PECAM1: variants seen among roughly 807,000 people sequenced by gnomAD.
PECAM1 encodes the protein platelet endothelial cell adhesion molecule.
Under a neutral mutation model 13.8 loss-of-function variants are expected in PECAM1, and 8 were observed. The observed-to-expected ratio is 0.58, with a 90% CI of 0.34 to 1.05. The LOEUF is 1.05. Ranked by LOEUF, PECAM1 falls within the 50% of genes least tolerant of loss-of-function variation. The pLI is 0.03. For missense variants in PECAM1, 304 were observed against 141.2 expected (o/e 2.15, Z -5.84); for synonymous variants, 136 against 52.6 (o/e 2.58, Z -6.86).
chr17:64,333,840 G>A (rs1419574577), intron 14 of PECAM1, among the ~76,000 whole-genome samples: 4 of 147,138 alleles, frequency 2.7e-5, no homozygotes, highest in African/African-American at 1.0e-4. Context: ...CATGCCTGTA[G>A]TCCCAGCTGA....
At chr17:64,331,606 G>A (rs370673512) in intron 14 of PECAM1, among the ~76,000 whole-genome samples, 5 of 152,234 alleles carry the variant, frequency 3.3e-5, no homozygotes, top group South Asian at 2.1e-4. Flanking sequence ...AAGCCAATGA[G>A]AGCAGGAAGC....
At chr17:64,342,408 T>C (rs1385595926) in intron 13 of PECAM1, among the ~76,000 whole-genome samples, 2 of 152,088 alleles carry the variant, frequency 1.3e-5, no homozygotes, top group Non-Finnish European at 2.9e-5. Flanking sequence ...GGCTATGGCC[T>C]CCCAATCACC....
Position 64,321,616 on chromosome 17 carries a change from C to T in PECAM1, c.*2200G>A. On this transcript the variant is annotated 3_prime_UTR_variant, in exon 16 of 16. Coordinates refer to ENST00000563924, the MANE Select transcript of PECAM1 (RefSeq NM_000442.5). ...CTGCAAAAAAAAAATTAAAAATTAGCCAGCTATGGCGGCTCACGCCTCTGG... is the reference window on the plus strand; with the variant it reads ...CTGCAAAAAAAAAATTAAAAATTAGTCAGCTATGGCGGCTCACGCCTCTGG... 2.1e-6 allele frequency: 1 copy of T among 471,306 alleles called. No homozygotes were observed. Among genetic ancestry groups the T allele is most frequent in the Non-Finnish European group, 3.0e-6 (1 of 334,820 alleles). The allele number at this position is 471,306 out of a possible 1,614,324, so 29.2% of individuals were successfully genotyped here. A position where few individuals can be genotyped will look rare whatever the true frequency, so the allele number is the denominator to read the frequency against.
intron 13 of PECAM1, among the ~76,000 whole-genome samples, chr17:64,344,854 T>A (rs2035524476): frequency 6.6e-6 from 1 of 152,044 alleles, no homozygotes; most frequent in Admixed American, 6.5e-5. Flanking sequence ...AGTGACCCTC[T>A]TTACGGGTCT....
At position 64,320,934 on chromosome 17, in the gene PECAM1, A is replaced by C. The variant is rs1555644318; in HGVS notation, c.*2882T>G. 1 of 152,194 alleles carries C rather than the reference A, an allele frequency of 6.6e-6. No homozygotes were observed. The highest frequency in any genetic ancestry group is 1.5e-5 in the Non-Finnish European group (1 of 68,058). The allele number at this position is 152,194 out of a possible 1,614,324, so 9.4% of individuals were successfully genotyped here. On this transcript the variant is annotated 3_prime_UTR_variant, in exon 16 of 16. Coordinates refer to ENST00000563924, the MANE Select transcript of PECAM1 (RefSeq NM_000442.5). ...CCCACCAGATGCCGGGAGCACACCCACCCAGCTGTGACAACCAAAAATGTC... is the reference window on the plus strand; with the variant it reads ...CCCACCAGATGCCGGGAGCACACCCCCCCAGCTGTGACAACCAAAAATGTC...
intron 3 of PECAM1, among the ~76,000 whole-genome samples, chr17:64,376,017 A>T (rs1337880860): frequency 2.0e-5 from 3 of 152,088 alleles, no homozygotes; most frequent in Non-Finnish European, 2.9e-5. Context: ...CAAAATCACC[A>T]CTAAGGCCAC....
chr17:64,335,816 C>T (rs1313806432), intron 14 of PECAM1, among the ~76,000 whole-genome samples: 2 of 152,190 alleles, frequency 1.3e-5, no homozygotes, highest in Admixed American at 6.6e-5. Context: ...GGGACCCGCC[C>T]AACCGCAAGA....
chr17:64,322,722 T>C lies in PECAM1; in HGVS notation c.*1094A>G. On this transcript the variant is annotated 3_prime_UTR_variant, in exon 16 of 16. Coordinates refer to ENST00000563924, the MANE Select transcript of PECAM1 (RefSeq NM_000442.5). ...ACTTCTTTAGCAAGCAATTTTGTTT[T>C]TTGTTTTTTTTGAGATGGATTCTCA... 1 of 939,962 alleles carries C rather than the reference T, an allele frequency of 1.1e-6. No homozygotes were observed. 58.2% of individuals were successfully genotyped at this position (939,962 alleles called of 1,614,324 possible). A position where few individuals can be genotyped will look rare whatever the true frequency, so the allele number is the denominator to read the frequency against.
intron 5 of PECAM1, among the ~76,000 whole-genome samples, chr17:64,366,863 T>C (rs1424486774): frequency 6.8e-6 from 1 of 147,192 alleles, no homozygotes; most frequent in African/African-American, 2.5e-5. Flanking sequence ...TTAGGAGATA[T>C]ACCTAATGCT....
At chr17:64,375,797 C>T (rs1335804155) in intron 3 of PECAM1, among the ~76,000 whole-genome samples, 1 of 152,000 alleles carries the variant, frequency 6.6e-6, no homozygotes, top group African/African-American at 2.4e-5. Flanking sequence ...CACTGCACTC[C>T]AGCCTGGGCA....
Position 64,323,024 on chromosome 17 carries a change from T to C in PECAM1, c.*792A>G. On this transcript the variant is annotated 3_prime_UTR_variant, in exon 16 of 16. Coordinates refer to ENST00000563924, the MANE Select transcript of PECAM1 (RefSeq NM_000442.5). ...GCCTGCCCTGGCAAGGAATACATTT[T>C]TAAAAATTAGTAAGAAACATACACA... 2.0e-6 allele frequency: 2 copies of C among 984,412 alleles called. No individual in the cohort carries two copies. The highest frequency in any genetic ancestry group is 2.4e-6 in the Non-Finnish European group (2 of 828,988). 61.0% of individuals were successfully genotyped at this position (984,412 alleles called of 1,614,324 possible).
At position 64,323,839 on chromosome 17, in the gene PECAM1, C is replaced by T. The variant is rs782683834; in HGVS notation, c.2194G>A (p.Glu732Lys). The T allele has an allele frequency of 1.2e-6, 1 of 816,400 alleles. No homozygotes were observed. Among genetic ancestry groups the T allele is most frequent in the South Asian group, 1.3e-5 (1 of 75,248 alleles). 50.6% of individuals were successfully genotyped at this position (816,400 alleles called of 1,614,324 possible). ...DAVESRYSRT[E>K]GSLDGT ...GTCTAAGTTCCATCAAGGGAGCCTT[C>T]CGTTCTCTGTAGCGACAAGAAACAA... The change falls in exon 16 of 16, where the codon GAA (glutamate) becomes AAA (lysine). Residue 732 changes from glutamate to lysine, a missense_variant. Coordinates refer to ENST00000563924, the MANE Select transcript of PECAM1 (RefSeq NM_000442.5).
At chr17:64,373,272 G>A (rs1363278157) in intron 4 of PECAM1, among the ~76,000 whole-genome samples, 1 of 152,060 alleles carries the variant, frequency 6.6e-6, no homozygotes, top group African/African-American at 2.4e-5. Flanking sequence ...CTATACTGCA[G>A]GATTGTTGTA....
intron 13 of PECAM1, among the ~76,000 whole-genome samples, chr17:64,342,528 G>C (rs1302152057): frequency 6.6e-6 from 1 of 152,224 alleles, no homozygotes; most frequent in Non-Finnish European, 1.5e-5. Flanking sequence ...TACAGGGATA[G>C]ACAGCTGGGC....
At chr17:64,361,129 A>ATGTGTGAG (rs2035966237) in intron 6 of PECAM1, among the ~76,000 whole-genome samples, 1 of 137,178 alleles carries the variant, frequency 7.3e-6, no homozygotes, top group Admixed American at 7.5e-5. Flanking sequence ...CTGAGCATAT[A>ATGTGTGAG]TGTGTGTGTG....
intron 14 of PECAM1, among the ~76,000 whole-genome samples, 155 bp from the exon 15 acceptor site, chr17:64,329,877 C>T (rs1215462100): frequency 1.3e-5 from 2 of 152,180 alleles, no homozygotes; most frequent in Non-Finnish European, 2.9e-5. Flanking sequence ...GTTTATGGCT[C>T]CTTTGTGCAA....
chr17:64,332,956 C>G (rs1555647075), intron 14 of PECAM1, among the ~76,000 whole-genome samples: 1 of 103,496 alleles, frequency 9.7e-6, no homozygotes, highest in Non-Finnish European at 2.1e-5. Context: ...AGTTCGAGAC[C>G]AGCCTGGCCA....
Position 64,345,711 on chromosome 17 carries a change from TAAA to T in PECAM1, c.2107+2546_2107+2548del, listed in dbSNP as rs34143232. On this transcript the variant is annotated intron_variant, in intron 13 of 15. Coordinates refer to ENST00000563924, the MANE Select transcript of PECAM1 (RefSeq NM_000442.5). ...CTGGGCAACAAGAGCAAGACTGTCA[TAAA>T]AAAAAAAAAAAAAAAAAAATGAGGA... Among the ~76,000 whole-genome samples the T allele has an allele frequency of 4.8e-3, 390 of 81,610 alleles. 3 individuals are homozygous for T. The highest frequency in any genetic ancestry group is 0.013 in the African/African-American group (371 of 28,478). 53.5% of individuals were successfully genotyped at this position (81,610 alleles called of 152,430 possible).
intron 7 of PECAM1, among the ~76,000 whole-genome samples, chr17:64,358,548 G>A (rs898299952): frequency 2.6e-5 from 4 of 152,070 alleles, no homozygotes; most frequent in African/African-American, 9.7e-5. Context: ...TTTTCACAAT[G>A]TTTACCCACT....
Sources: allele counts gnomAD v4.1 joint callset (sites outside exome capture counted in the v4.1 genomes callset), GRCh38; gene constraint gnomAD v4.1.1; transcripts MANE v1.5; gene names NCBI Gene and HGNC (gene_info 2026-07-23, HGNC 2026-07-21).